The following PPP1R14D variants were observed in gnomAD, a reference collection of about 807,000 sequenced individuals.
PPP1R14D encodes the protein protein phosphatase 1 regulatory subunit 14D.
In PPP1R14D, 14 loss-of-function variants were observed where a neutral mutation model predicts 17.1. The ratio of observed to expected loss-of-function variants is 0.82; its 90% CI spans 0.54 to 1.28. PPP1R14D has a LOEUF of 1.28. Ranked by LOEUF, PPP1R14D falls within the 50% of genes most tolerant of loss-of-function variation. The pLI is 0.00. For missense variants in PPP1R14D, 173 were observed against 179.2 expected (o/e 0.97, Z 0.20); for synonymous variants, 67 against 66.1 (o/e 1.01, Z -0.06).
Position 40,828,449 on chromosome 15 carries a change from G to A in PPP1R14D, c.193C>T (p.Gln65Ter). The A allele has an allele frequency of 6.2e-7, 1 of 1,614,094 alleles. No homozygotes were observed. Residue 65 changes from glutamine (Q) to a stop codon, truncating the protein, a stop_gained, in exon 1 of 4, where the codon CAG becomes TAG. Transcript: ENST00000299174. LOFTEE classifies it high-confidence loss of function. ...SRLTVKYDRGQLQRWLEMEQW... is the reference protein window; with the variant it reads ...SRLTVKYDRG ...TCCATCTCCAGCCAGCGCTGGAGCTGGCCCCGGTCATACTTCACTGTCAGG... is the reference window on the plus strand; with the variant it reads ...TCCATCTCCAGCCAGCGCTGGAGCTAGCCCCGGTCATACTTCACTGTCAGG...
chr15:40,824,357 A>G (rs528646620), intron 1 of PPP1R14D, among the ~76,000 whole-genome samples: 7 of 151,650 alleles, frequency 4.6e-5, no homozygotes, highest in African/African-American at 1.7e-4. Flanking sequence ...TTTGTTTCAC[A>G]CATTCATTGA....
rs140774733 is a variant in PPP1R14D at position 40,815,741 on chromosome 15, G to A, written c.393C>T (p.Leu131=). 3.1e-6 allele frequency: 5 copies of A among 1,612,946 alleles called. No individual in the cohort carries two copies. The highest frequency in any genetic ancestry group is 4.2e-6 in the Non-Finnish European group (5 of 1,179,478). The change falls in exon 4 of 4, where the codon CTC becomes CTT. Residue 131 remains leucine (L), a synonymous_variant. Transcript: ENST00000299174. ...GTCTCCGGAGTTTCTTGAGTTGACTGAGCAGCTCAGAGATAAAAGCCTGAG... is the reference window on the plus strand; with the variant it reads ...GTCTCCGGAGTTTCTTGAGTTGACTAAGCAGCTCAGAGATAAAAGCCTGAG... ...RPTEAFISEL[L]SQLKKLRRLS...
chr15:40,827,156 A>G (rs1469377154), intron 1 of PPP1R14D, among the ~76,000 whole-genome samples: 2 of 152,198 alleles, frequency 1.3e-5, no homozygotes, highest in African/African-American at 4.8e-5. Context: ...AAAATATTCT[A>G]TATTTGTGCT....
chr15:40,827,360 T>C (rs545843612), intron 1 of PPP1R14D, among the ~76,000 whole-genome samples: 2 of 152,000 alleles, frequency 1.3e-5, no homozygotes, highest in African/African-American at 4.8e-5. Flanking sequence ...AATACAAAAT[T>C]AGTCGGGCAC....
At chr15:40,827,830 G>C (rs1359744636) in intron 1 of PPP1R14D, among the ~76,000 whole-genome samples, 1 of 152,198 alleles carries the variant, frequency 6.6e-6, no homozygotes. Flanking sequence ...GGAGGCTGAA[G>C]TGGGAGGATG....
At chr15:40,825,192 G>A (rs565343084) in intron 1 of PPP1R14D, among the ~76,000 whole-genome samples, 1 of 151,952 alleles carries the variant, frequency 6.6e-6, no homozygotes, top group Admixed American at 6.6e-5. Flanking sequence ...AGCTGAGGCA[G>A]GAGAATCACT....
At position 40,815,485 on chromosome 15, in the gene PPP1R14D, A is replaced by G; in HGVS notation, c.*211T>C. 1 of 600,570 alleles carries G rather than the reference A, an allele frequency of 1.7e-6. No individual in the cohort carries two copies. Among genetic ancestry groups the G allele is most frequent in the Non-Finnish European group, 2.9e-6 (1 of 346,104 alleles). 37.2% of individuals were successfully genotyped at this position (600,570 alleles called of 1,614,324 possible). On this transcript the variant is annotated 3_prime_UTR_variant, in exon 4 of 4. Coordinates refer to ENST00000299174, the MANE Select transcript of PPP1R14D (RefSeq NM_017726.8). ...TAAAGGTTTTATCCACTTGGCTGCC[A>G]AGGAAGGCATTGGACAACAGCCAGC...
At chr15:40,822,810 AGTTTTT>A (rs957924681) in intron 1 of PPP1R14D, among the ~76,000 whole-genome samples, 1 of 149,956 alleles carries the variant, frequency 6.7e-6, no homozygotes, top group African/African-American at 2.5e-5. Context: ...TGTTTTGTGG[AGTTTTT>A]GTTTTTGTTT....
intron 1 of PPP1R14D, among the ~76,000 whole-genome samples, chr15:40,826,430 C>T (rs1418570186): frequency 6.6e-6 from 1 of 152,200 alleles, no homozygotes; most frequent in East Asian, 1.9e-4. Context: ...AGCCCAGCCA[C>T]ACATTAGAAC....
intron 1 of PPP1R14D, among the ~76,000 whole-genome samples, chr15:40,826,240 C>T (rs569367322): frequency 1.3e-5 from 2 of 152,196 alleles, no homozygotes; most frequent in South Asian, 2.1e-4. Flanking sequence ...CAGTTAGTTT[C>T]GAGATAGACT....
intron 1 of PPP1R14D, among the ~76,000 whole-genome samples, chr15:40,818,334 C>T (rs1437733838): frequency 6.7e-6 from 1 of 148,452 alleles, no homozygotes; most frequent in Non-Finnish European, 1.5e-5. Context: ...CACGGATGAT[C>T]TATAGCAGCT....
At chr15:40,821,880 A>G (rs1055397773) in intron 1 of PPP1R14D, among the ~76,000 whole-genome samples, 5 of 152,332 alleles carry the variant, frequency 3.3e-5, no homozygotes, top group African/African-American at 1.2e-4. Flanking sequence ...GTGAGGCGAG[A>G]TCGTACCACT....
In PPP1R14D at chr15:40,815,580, C is replaced by G. The variant is rs565565640; in HGVS notation, c.*116G>C. The G allele has an allele frequency of 2.3e-6, 3 of 1,284,134 alleles. No homozygotes were observed. In the African/African-American group the frequency reaches 4.5e-5, roughly 19 times the overall value. The allele number at this position is 1,284,134 out of a possible 1,614,324, so 79.5% of individuals were successfully genotyped here. ...CAGACAGTAGGAGTATGCAAATGTCCCTCCTTGTCCACATTTCTTGTTTGT... is the reference window on the plus strand; with the variant it reads ...CAGACAGTAGGAGTATGCAAATGTCGCTCCTTGTCCACATTTCTTGTTTGT... On this transcript the variant is annotated 3_prime_UTR_variant, in exon 4 of 4. Transcript: ENST00000299174.
At chr15:40,822,475 T>A (rs1366305199) in intron 1 of PPP1R14D, among the ~76,000 whole-genome samples, 1 of 151,628 alleles carries the variant, frequency 6.6e-6, no homozygotes, top group Non-Finnish European at 1.5e-5. Context: ...TTTTTTGAGA[T>A]GGAGTTTCGC....
chr15:40,815,559 CAGT>C lies in PPP1R14D; in HGVS notation c.*134_*136del. 9.1e-7 allele frequency: 1 copy of C among 1,101,012 alleles called. No individual in the cohort carries two copies. Among genetic ancestry groups the C allele is most frequent in the Non-Finnish European group, 1.3e-6 (1 of 771,836 alleles). The allele number at this position is 1,101,012 out of a possible 1,614,324, so 68.2% of individuals were successfully genotyped here. On this transcript the variant is annotated 3_prime_UTR_variant, in exon 4 of 4. Coordinates refer to ENST00000299174, the MANE Select transcript of PPP1R14D (RefSeq NM_017726.8). The stretch of plus-strand genomic sequence containing the variant: ...CAGAAACTAGCTGTGACCACACAGA[CAGT>C]AGGAGTATGCAAATGTCCCTCCTTG...
In PPP1R14D at chr15:40,815,965, T is replaced by C. The variant is rs34474407; in HGVS notation, c.369A>G (p.Thr123=). Residue 123 remains threonine, a synonymous_variant, in exon 3 of 4, where the codon ACA becomes ACG. Coordinates refer to ENST00000299174, the MANE Select transcript of PPP1R14D (RefSeq NM_017726.8). ...CCAGCAGAAGAACATCCCTTACCTC[T>C]GTGGGGCGGGGGCAGTTCCCAAGAA... ...EAILGNCPRP[T]EAFISELLSQ... is the part of the protein sequence containing the mutation. 6,745 of 1,614,086 alleles carry C rather than the reference T, an allele frequency of 4.2e-3. 20 individuals carry two copies. The highest frequency in any genetic ancestry group is 5.0e-3 in the Non-Finnish European group (5,865 of 1,179,994).
chr15:40,815,895 C>G, intron 3 of PPP1R14D, 67 bp downstream of exon 3: 1 of 1,478,052 alleles, frequency 6.8e-7, no homozygotes, highest in Non-Finnish European at 9.2e-7. Flanking sequence ...CCTTCAAATA[C>G]TCCTCATTAG....
chr15:40,823,997 A>T (rs1380051121), intron 1 of PPP1R14D, among the ~76,000 whole-genome samples: 2 of 114,722 alleles, frequency 1.7e-5, no homozygotes, highest in South Asian at 2.5e-4. Flanking sequence ...CATCTCCATT[A>T]AAAAAAAAAA....
At chr15:40,822,642 G>A (rs942342944) in intron 1 of PPP1R14D, among the ~76,000 whole-genome samples, 5 of 152,008 alleles carry the variant, frequency 3.3e-5, no homozygotes, top group Admixed American at 6.6e-5. Context: ...TAGGAGAGAC[G>A]GGGTTTTGCC....
Sources: gnomAD v4.1 joint callset for allele counts (sites outside exome capture counted in the v4.1 genomes callset) on GRCh38, gnomAD v4.1.1 for gene constraint, MANE v1.5 for transcripts, NCBI Gene and HGNC (gene_info 2026-07-23, HGNC 2026-07-21) for gene names.